Variants in PRDM11 observed in about 807,000 individuals in gnomAD.
PRDM11 encodes the protein PR domain-containing protein 11.
Under a neutral mutation model 97.8 loss-of-function variants are expected in PRDM11, and 20 were observed. The observed-to-expected ratio is 0.20, with a 90% CI of 0.14 to 0.30. PRDM11 has a LOEUF of 0.30. Among genes scored for constraint, PRDM11 ranks in the 10% least tolerant of loss-of-function variants. The pLI is 1.00. For synonymous variants in PRDM11, 599 were observed against 637.7 expected, an observed-to-expected ratio of 0.94 and a Z score of 0.91; for missense variants, 1,139 against 1,555.2, an observed-to-expected ratio of 0.73 and a Z score of 4.50.
upstream of PRDM11, among the ~76,000 whole-genome samples, chr11:45,144,139 G>A (rs1404742455): frequency 6.6e-6 from 1 of 152,178 alleles, no homozygotes; most frequent in Non-Finnish European, 1.5e-5. Flanking sequence ...TCCTTCCTGT[G>A]CCTTGGCCTT....
intron 1 of PRDM11, among the ~76,000 whole-genome samples, chr11:45,179,879 T>A (rs1486658988): frequency 6.6e-6 from 1 of 152,166 alleles, no homozygotes; most frequent in Non-Finnish European, 1.5e-5. Flanking sequence ...CACCCCAGGA[T>A]GTATGGTGGG....
intron 1 of PRDM11, among the ~76,000 whole-genome samples, chr11:45,137,305 C>T (rs1436617779): frequency 5.3e-5 from 8 of 151,746 alleles, no homozygotes; most frequent in South Asian, 2.1e-4. Context: ...TGGTGGCACA[C>T]GCCTGTAACC....
chr11:45,202,980 A>G (rs572583741), intron 4 of PRDM11, among the ~76,000 whole-genome samples: 1 of 152,342 alleles, frequency 6.6e-6, no homozygotes, highest in African/African-American at 2.4e-5. Context: ...GCAGGCCTGT[A>G]GGGTATGAAG....
At chr11:45,190,660 T>G (rs994663571) in intron 4 of PRDM11, among the ~76,000 whole-genome samples, 7 of 152,136 alleles carry the variant, frequency 4.6e-5, no homozygotes, top group African/African-American at 1.7e-4. Context: ...CCACTCTGCC[T>G]TTGCACTGCA....
At chr11:45,213,823 G>A (rs769887866) in intron 5 of PRDM11, 2 of 430,430 alleles carry the variant, frequency 4.6e-6, no homozygotes, top group South Asian at 1.6e-5. Context: ...CTGGAAGCCA[G>A]GGTATCGGTT....
intron 4 of PRDM11, among the ~76,000 whole-genome samples, chr11:45,191,385 A>AT (rs1458576265): frequency 5.3e-5 from 8 of 152,084 alleles, no homozygotes; most frequent in African/African-American, 1.7e-4. Context: ...GGTTAAAATG[A>AT]TTTTTCTATT....
In PRDM11 at chr11:45,227,227, C is replaced by T; in HGVS notation, c.2602C>T (p.Leu868=). ...RADASAIALA[L]LQFLMDYQSI... is the part of the protein sequence containing the mutation. ...AGACGCCTCGGCCATCGCACTGGCC[C>T]TGCTGCAGTTCCTCATGGACTACCA... Residue 868 remains leucine (L), a synonymous_variant, in exon 8 of 8, where the codon CTG becomes TTG. Coordinates refer to ENST00000683152, the MANE Select transcript of PRDM11 (RefSeq NM_001384648.1). The surrounding 1 kb of genome is among the most constrained non-coding windows in gnomAD (Gnocchi z 8.0). 6.5e-7 allele frequency: 1 copy of T among 1,533,986 alleles called. No individual in the cohort carries two copies. The highest frequency in any genetic ancestry group is 8.7e-7 in the Non-Finnish European group (1 of 1,146,732).
At chr11:45,104,675 G>T (rs576837057) in intron 1 of PRDM11, among the ~76,000 whole-genome samples, 1 of 152,168 alleles carries the variant, frequency 6.6e-6, no homozygotes, top group East Asian at 1.9e-4. Flanking sequence ...AAAGGTTTTG[G>T]GGGGAGGTGG....
intron 4 of PRDM11, among the ~76,000 whole-genome samples, chr11:45,183,888 G>T (rs1172267842): frequency 6.6e-6 from 1 of 152,200 alleles, no homozygotes; most frequent in Non-Finnish European, 1.5e-5. Flanking sequence ...ACAGTGGTGG[G>T]CCAGATAAGG....
intron 1 of PRDM11, among the ~76,000 whole-genome samples, chr11:45,126,314 T>C (rs2135637883): frequency 6.6e-6 from 1 of 152,260 alleles, no homozygotes; most frequent in South Asian, 2.1e-4. Flanking sequence ...TGTCTTTTAA[T>C]TGGAGCATTT....
At chr11:45,208,215 C>T (rs565379709) in intron 5 of PRDM11, among the ~76,000 whole-genome samples, 1 of 152,200 alleles carries the variant, frequency 6.6e-6, no homozygotes, top group South Asian at 2.1e-4. Flanking sequence ...AACCTGTTTG[C>T]CTGCACATAT....
In PRDM11 at chr11:45,203,326, T is replaced by C. The variant is rs185075671; in HGVS notation, c.487-1385T>C. 5.3e-5 allele frequency among the ~76,000 whole-genome samples: 8 copies of C among 151,196 alleles called. No homozygotes were observed. In the East Asian group the frequency reaches 1.6e-3, roughly 29 times the overall value. On this transcript the variant is annotated intron_variant, in intron 4 of 7. Transcript: ENST00000683152. ...AAAGGAAAAAGAAGGAACATGTCAC[T>C]ATGAAACAGAAAGAGGCAGGATGTA...
chr11:45,134,701 GAAAAAAAAAAAA>G (rs1191008824), intron 1 of PRDM11, among the ~76,000 whole-genome samples: 2 of 44,266 alleles, frequency 4.5e-5, no homozygotes, highest in South Asian at 1.4e-3. Flanking sequence ...CCTGTCTCAC[GAAAAAAAAAAAA>G]AAAAAAAAAA....
intron 1 of PRDM11, among the ~76,000 whole-genome samples, chr11:45,107,866 G>A (rs1318461973): frequency 6.8e-6 from 1 of 147,816 alleles, no homozygotes; most frequent in Non-Finnish European, 1.5e-5. Context: ...GTCTCGCTCT[G>A]TCACCCAGGC....
intron 4 of PRDM11, among the ~76,000 whole-genome samples, chr11:45,197,577 C>T (rs896412882): frequency 4.6e-5 from 7 of 152,078 alleles, no homozygotes; most frequent in East Asian, 3.9e-4. Flanking sequence ...TTTGTGGCGA[C>T]GGTTTGACAG....
chr11:45,213,242 C>T (rs775234045), intron 5 of PRDM11: 6 of 456,396 alleles, frequency 1.3e-5, no homozygotes, highest in South Asian at 7.7e-5. Context: ...TCATCTTTGG[C>T]GGATGCTGAA....
chr11:45,148,830 G>A (rs1237484831), intron 1 of PRDM11, among the ~76,000 whole-genome samples: 1 of 152,168 alleles, frequency 6.6e-6, no homozygotes, highest in Non-Finnish European at 1.5e-5. Context: ...TGGGGTAGGA[G>A]TCGGGAGTCC....
At chr11:45,122,236 C>CACAGAG (rs570495237) in intron 1 of PRDM11, among the ~76,000 whole-genome samples, 420 of 144,630 alleles carry the variant, frequency 2.9e-3, no homozygotes, top group Middle Eastern at 7.1e-3. Flanking sequence ...CACACACACA[C>CACAGAG]AGAGAGAAAC....
At chr11:45,159,670 G>A (rs903663963) in intron 1 of PRDM11, among the ~76,000 whole-genome samples, 3 of 152,214 alleles carry the variant, frequency 2.0e-5, no homozygotes, top group African/African-American at 7.2e-5. Flanking sequence ...AGGGCTCACA[G>A]GCTCAGTCTA....
Sources: allele counts gnomAD v4.1 joint callset (sites outside exome capture counted in the v4.1 genomes callset), GRCh38; gene constraint gnomAD v4.1.1; non-coding constraint Gnocchi (gnomAD v3.1); transcripts MANE v1.5; gene names NCBI Gene and HGNC (gene_info 2026-07-23, HGNC 2026-07-21).